Variants in TRIM71 observed in about 807,000 individuals in gnomAD.
The protein encoded by TRIM71 is tripartite motif containing 71, also known as E3 ubiquitin-protein ligase TRIM71.
TRIM71 carries 9 observed loss-of-function variants against 61.2 expected under a neutral mutation model. The ratio of observed to expected loss-of-function variants is 0.15; its 90% confidence interval spans 0.09 to 0.26. TRIM71 has a LOEUF of 0.26. TRIM71 is among the 10% of genes least tolerant of loss of function. TRIM71 has a pLI of 1.00. For missense variants in TRIM71, 998 were observed against 1,238.7 expected (o/e 0.81, Z 2.92); for synonymous variants, 645 against 553.2 (o/e 1.17, Z -2.33).
At position 32,860,251 on chromosome 3, in the gene TRIM71, C is replaced by T. The variant is rs561566830; in HGVS notation, c.853-13567C>T. 1.4e-4 allele frequency among the ~76,000 whole-genome samples: 21 copies of T among 151,734 alleles called. No homozygotes were observed. In the East Asian group the frequency reaches 4.1e-3, roughly 30 times the overall value. On this transcript the variant is annotated intron_variant, in intron 1 of 3. Transcript: ENST00000383763. ...TCTGCTCACTGCAACCTCCACTTCC[C>T]GGGTTCAAGCAATTCTCCTGCCTCA...
intron 1 of TRIM71, among the ~76,000 whole-genome samples, chr3:32,821,539 G>A (rs1355576509): frequency 6.6e-6 from 1 of 152,164 alleles, no homozygotes; most frequent in African/African-American, 2.4e-5. Flanking sequence ...AAACCGTAAT[G>A]ATGATAACCT....
intron 1 of TRIM71, among the ~76,000 whole-genome samples, chr3:32,864,462 TAAC>T (rs1413942683): frequency 6.6e-6 from 1 of 152,142 alleles, no homozygotes; most frequent in Admixed American, 6.5e-5. Flanking sequence ...TGGGTGAAGA[TAAC>T]AAGGTGCCAG....
At chr3:32,878,059 T>C (rs1202325823) in intron 2 of TRIM71, among the ~76,000 whole-genome samples, 1 of 152,236 alleles carries the variant, frequency 6.6e-6, no homozygotes, top group Admixed American at 6.5e-5. Flanking sequence ...TCCAGATCCA[T>C]CAGAGGAATC....
intron 1 of TRIM71, among the ~76,000 whole-genome samples, chr3:32,862,666 C>CT (rs1696684276): frequency 6.6e-6 from 1 of 152,348 alleles, no homozygotes; most frequent in East Asian, 1.9e-4. Context: ...CCAAATCTGT[C>CT]TTTCGTGTCC....
intron 1 of TRIM71, among the ~76,000 whole-genome samples, chr3:32,870,096 C>A (rs1355732288): frequency 6.6e-6 from 1 of 152,174 alleles, no homozygotes; most frequent in Non-Finnish European, 1.5e-5. Context: ...TACATCCATG[C>A]ACATCCTTAC....
chr3:32,871,223 C>G (rs930492241), intron 1 of TRIM71, among the ~76,000 whole-genome samples: 4 of 152,074 alleles, frequency 2.6e-5, no homozygotes, highest in Non-Finnish European at 4.4e-5. Context: ...GGTGATTGGA[C>G]AGATGGTTCC....
intron 3 of TRIM71, among the ~76,000 whole-genome samples, chr3:32,887,300 T>C (rs1194521065): frequency 6.6e-6 from 1 of 152,164 alleles, no homozygotes; most frequent in African/African-American, 2.4e-5. Flanking sequence ...AAGTTTTTAC[T>C]CTTGGGAGAA....
At chr3:32,861,646 C>T (rs945662947) in intron 1 of TRIM71, among the ~76,000 whole-genome samples, 3 of 152,172 alleles carry the variant, frequency 2.0e-5, no homozygotes, top group East Asian at 1.9e-4. Context: ...GCTCTGCTCT[C>T]GCTCATTTTG....
intron 2 of TRIM71, among the ~76,000 whole-genome samples, chr3:32,880,715 A>G (rs1487947611): frequency 2.0e-5 from 3 of 152,146 alleles, no homozygotes; most frequent in Non-Finnish European, 2.9e-5. Flanking sequence ...GCTTTTTTGA[A>G]CATTCTGTTA....
intron 1 of TRIM71, among the ~76,000 whole-genome samples, chr3:32,855,790 A>G (rs943006205): frequency 3.3e-5 from 5 of 152,116 alleles, no homozygotes; most frequent in African/African-American, 1.2e-4. Flanking sequence ...GGGATGCCCT[A>G]TGTGGTACAC....
chr3:32,886,073 C>G lies in TRIM71; in HGVS notation c.1155+5C>G. On this transcript the variant is annotated splice_donor_5th_base_variant and intron_variant, in intron 3 of 3. Coordinates refer to ENST00000383763, the MANE Select transcript of TRIM71 (RefSeq NM_001039111.3). Reference sequence around the variant, plus strand: ...GAGTGTGAGCTGCTGTGGAAGGTAACAGGGAGAGCTCCCCCACCCAGGCTG... The same window carrying G: ...GAGTGTGAGCTGCTGTGGAAGGTAAGAGGGAGAGCTCCCCCACCCAGGCTG... 6.2e-7 allele frequency: 1 copy of G among 1,610,538 alleles called. No homozygotes were observed. Among genetic ancestry groups the G allele is most frequent in the South Asian group, 1.1e-5 (1 of 90,274 alleles).
chr3:32,859,342 C>G (rs1696640231), intron 1 of TRIM71, among the ~76,000 whole-genome samples: 2 of 152,134 alleles, frequency 1.3e-5, no homozygotes, highest in Admixed American at 1.3e-4. Context: ...TCACTGCAAC[C>G]TTTGTCTCCT....
At chr3:32,885,865 T>C (rs1696955963) in intron 2 of TRIM71, 69 bp from the exon 3 acceptor site, 2 of 1,550,516 alleles carry the variant, frequency 1.3e-6, no homozygotes, top group African/African-American at 1.4e-5. Flanking sequence ...ACAGAGCAGA[T>C]TCAAATGTTT....
At chr3:32,868,691 T>C (rs1461613586) in intron 1 of TRIM71, among the ~76,000 whole-genome samples, 1 of 151,530 alleles carries the variant, frequency 6.6e-6, no homozygotes, top group African/African-American at 2.4e-5. Context: ...TTAGGGTTTT[T>C]TTTTTTTTTA....
chr3:32,885,050 G>GA (rs1039357222), intron 2 of TRIM71, among the ~76,000 whole-genome samples: 1 of 152,052 alleles, frequency 6.6e-6, no homozygotes, highest in Non-Finnish European at 1.5e-5. Context: ...TTTTAGCATT[G>GA]AAAGTCCCAC....
rs1039889999 is a variant in TRIM71, at chr3:32,893,870, C to T, written c.*2059C>T. Reference sequence around the variant, plus strand: ...ACCAAAATGGGAAGGAAAAAAAAAACCTCATCTCACAGAGGAGAACTGCAT... The same window carrying T: ...ACCAAAATGGGAAGGAAAAAAAAAATCTCATCTCACAGAGGAGAACTGCAT... On this transcript the variant is annotated 3_prime_UTR_variant, in exon 4 of 4. Coordinates refer to ENST00000383763, the MANE Select transcript of TRIM71 (RefSeq NM_001039111.3). The T allele has an allele frequency of 1.3e-5, 2 of 151,820 alleles. No homozygotes were observed. The highest frequency in any genetic ancestry group is 2.4e-5 in the African/African-American group (1 of 41,340). The allele number at this position is 151,820 out of a possible 1,614,324, so 9.4% of individuals were successfully genotyped here.
At position 32,818,178 on chromosome 3, in the gene TRIM71, C is replaced by A; in HGVS notation, c.98C>A (p.Ser33Ter). 6.3e-7 allele frequency: 1 copy of A among 1,599,890 alleles called. No homozygotes were observed. Among genetic ancestry groups the A allele is most frequent in the Non-Finnish European group, 8.5e-7 (1 of 1,174,454 alleles). ...CTCTCCTCCAACTCGTCCGCGTCGT[C>A]GTCCTCCTCGCAGACGTCCACGTCG... ...APLSSNSSASSSSSQTSTSSG... is the reference protein window; with the variant it reads ...APLSSNSSAS The change falls in exon 1 of 4, where the codon TCG becomes TAG. Residue 33 changes from serine to a stop codon, truncating the protein, a stop_gained. Transcript: ENST00000383763. LOFTEE classifies it high-confidence loss of function.
rs1288274650 is a variant in TRIM71 at position 32,895,449 on chromosome 3, G to A, written c.*3638G>A. 1 of 152,194 alleles carries A rather than the reference G, an allele frequency of 6.6e-6. No homozygotes were observed. The highest frequency in any genetic ancestry group is 2.4e-5 in the African/African-American group (1 of 41,440). 9.4% of individuals were successfully genotyped at this position (152,194 alleles called of 1,614,324 possible). On this transcript the variant is annotated 3_prime_UTR_variant, in exon 4 of 4. Coordinates refer to ENST00000383763, the MANE Select transcript of TRIM71 (RefSeq NM_001039111.3). ...AAAGCTTAATTATTTGAGGAGGAAA[G>A]TCTTTTAGGCTTGAAGCAGCAAAAT...
chr3:32,872,335 G>C (rs1444407166), intron 1 of TRIM71, among the ~76,000 whole-genome samples: 1 of 151,882 alleles, frequency 6.6e-6, no homozygotes, highest in Non-Finnish European at 1.5e-5. Flanking sequence ...AATTAGCCCC[G>C]AGTGGAGTAA....
Sources: gnomAD v4.1 joint callset for allele counts (sites outside exome capture counted in the v4.1 genomes callset) on GRCh38, gnomAD v4.1.1 for gene constraint, MANE v1.5 for transcripts, NCBI Gene and HGNC (gene_info 2026-07-23, HGNC 2026-07-21) for gene names.